NBEAL1: variants seen among roughly 807,000 people sequenced by gnomAD.
NBEAL1 encodes the protein neurobeachin like 1.
A neutral mutation model predicts 351.3 loss-of-function variants in NBEAL1; 273 were observed. That is an observed-to-expected ratio of 0.78 (90% CI 0.70 to 0.86). The LOEUF (loss-of-function observed/expected upper bound fraction) is 0.86, where lower values mean the gene tolerates loss of function less well. Among genes scored for constraint, NBEAL1 ranks in the 40% least tolerant of loss-of-function variants. NBEAL1 has a pLI of 0.00. For missense variants in NBEAL1, 2,961 were observed against 3,201.3 expected, an observed-to-expected ratio of 0.92 and a Z score of 1.81; for synonymous variants, 1,050 against 1,086.4, an observed-to-expected ratio of 0.97 and a Z score of 0.66.
At chr2:203,077,644 A>G (rs958872323) in intron 7 of NBEAL1, 108 bp from the exon 8 acceptor site, 7 of 620,434 alleles carry the variant, frequency 1.1e-5, no homozygotes, top group Non-Finnish European at 1.7e-5. Context: ...AACACAGATC[A>G]GCCTTTTCAC....
At chr2:203,065,603 T>G (rs2061570044) in intron 6 of NBEAL1, among the ~76,000 whole-genome samples, 1 of 152,030 alleles carries the variant, frequency 6.6e-6, no homozygotes, top group African/African-American at 2.4e-5. Context: ...ATACAAAAAA[T>G]TAGCCAGGTG....
rs113705459 is a variant in NBEAL1, at chr2:203,211,029, A to C, written c.7857A>C (p.Val2619=). ...YLGSQILKEQ[V]SDICIIGEHI... ...GGTCTCAAATCCTGAAGGAACAAGT[A>C]TCAGATATATGTATAATCGGAGAAC... The change falls in exon 54 of 56, where the codon GTA becomes GTC. Residue 2619 remains valine, a synonymous_variant. Coordinates refer to ENST00000683969, the MANE Select transcript of NBEAL1 (RefSeq NM_001378026.1). 8 of 1,607,650 alleles carry C rather than the reference A, an allele frequency of 5.0e-6. No homozygotes were observed. The highest frequency in any genetic ancestry group is 1.3e-5 in the African/African-American group (1 of 74,954).
At chr2:203,205,498 T>C (rs1278717783) in intron 51 of NBEAL1, among the ~76,000 whole-genome samples, 1 of 152,200 alleles carries the variant, frequency 6.6e-6, no homozygotes, top group Non-Finnish European at 1.5e-5. Flanking sequence ...AATAATGTTC[T>C]TTACAGCTGT....
intron 2 of NBEAL1, among the ~76,000 whole-genome samples, chr2:203,024,146 G>C (rs2060815064): frequency 6.6e-6 from 1 of 151,352 alleles, no homozygotes; most frequent in South Asian, 2.1e-4. Flanking sequence ...CAGTGAGCTG[G>C]GATCATGCCA....
In NBEAL1 at chr2:203,165,089, G is replaced by A. The variant is rs555643932; in HGVS notation, c.5715-1060G>A. Among the ~76,000 whole-genome samples the A allele has an allele frequency of 1.2e-4, 18 of 152,142 alleles. No homozygotes were observed. The East Asian group carries it at 2.9e-3, about 25-fold the overall frequency. On this transcript the variant is annotated intron_variant, in intron 36 of 55. Transcript: ENST00000683969. ...TTGGTCAGGCTGGTCTTGAACTCCC[G>A]ACCTCAGGTGATCCGTCCATCTCTG...
chr2:203,165,150 C>T (rs1366711817), intron 36 of NBEAL1, among the ~76,000 whole-genome samples: 2 of 152,024 alleles, frequency 1.3e-5, no homozygotes, highest in East Asian at 3.9e-4. Flanking sequence ...CGTGAGCCAC[C>T]GCGCCCACCC....
intron 44 of NBEAL1, among the ~76,000 whole-genome samples, chr2:203,187,809 G>C (rs1232553315): frequency 6.6e-6 from 1 of 151,940 alleles, no homozygotes; most frequent in Non-Finnish European, 1.5e-5. Flanking sequence ...TTTATCATAG[G>C]CATCTGAAAG....
At chr2:203,084,940 C>T (rs2106169365) in intron 10 of NBEAL1, 1 of 162,050 alleles carries the variant, frequency 6.2e-6, no homozygotes, top group African/African-American at 2.4e-5. Context: ...CTCATGGAAA[C>T]ACTGTCTTCT....
intron 2 of NBEAL1, chr2:203,040,070 G>T (rs1368731386): frequency 4.1e-6 from 3 of 725,126 alleles, no homozygotes; most frequent in African/African-American, 1.8e-5. Flanking sequence ...ATGACTTGGG[G>T]TGGGGTTGTG....
intron 2 of NBEAL1, among the ~76,000 whole-genome samples, chr2:203,025,271 G>T (rs1206100230): frequency 5.9e-5 from 9 of 152,212 alleles, no homozygotes; most frequent in Non-Finnish European, 8.8e-5. Flanking sequence ...TACTAGTCGC[G>T]AGGTAGTTTT....
chr2:203,213,203 GAGTA>G (rs1430850808), intron 54 of NBEAL1, among the ~76,000 whole-genome samples: 2 of 152,132 alleles, frequency 1.3e-5, no homozygotes, highest in African/African-American at 2.4e-5. Context: ...ATTGAAAAAA[GAGTA>G]AGATTCTCTA....
At chr2:203,057,124 A>ATAT (rs1252290909) in intron 5 of NBEAL1, among the ~76,000 whole-genome samples, 1 of 152,128 alleles carries the variant, frequency 6.6e-6, no homozygotes, top group Non-Finnish European at 1.5e-5. Context: ...TACTGAAAAC[A>ATAT]TATTACTTTT....
intron 18 of NBEAL1, among the ~76,000 whole-genome samples, chr2:203,119,528 C>T (rs1040218560): frequency 2.1e-5 from 3 of 143,672 alleles, no homozygotes; most frequent in South Asian, 4.6e-4. Context: ...TGGGTTCAAG[C>T]GATTCTCCTG....
At chr2:203,182,081 T>A (rs1309179360) in intron 43 of NBEAL1, 1 of 152,074 alleles carries the variant, frequency 6.6e-6, no homozygotes, top group African/African-American at 2.4e-5. Context: ...AATAAAAAAC[T>A]TAAAAAGCAA....
Position 203,068,485 on chromosome 2 carries a change from A to C in NBEAL1, c.598+10A>C. 1 of 1,466,374 alleles carries C rather than the reference A, an allele frequency of 6.8e-7. No individual in the cohort carries two copies. Among genetic ancestry groups the C allele is most frequent in the Non-Finnish European group, 9.3e-7 (1 of 1,071,644 alleles). The allele number at this position is 1,466,374 out of a possible 1,614,324, so 90.8% of individuals were successfully genotyped here. A position where few individuals can be genotyped will look rare whatever the true frequency, so the allele number is the denominator to read the frequency against. The stretch of plus-strand genomic sequence containing the variant: ...GTCCCTTTCTTTTATCGTAAGTAAC[A>C]CCTCTAATTTCTCTTGCTATGATTA... On this transcript the variant is annotated intron_variant, in intron 7 of 55. Coordinates refer to ENST00000683969, the MANE Select transcript of NBEAL1 (RefSeq NM_001378026.1).
chr2:203,195,696 C>T (rs550310869), intron 47 of NBEAL1, among the ~76,000 whole-genome samples: 2 of 152,304 alleles, frequency 1.3e-5, no homozygotes, highest in South Asian at 2.1e-4. Context: ...TCCAAGAGAC[C>T]TCTCCTAGTG....
At chr2:203,067,676 CT>C (rs1361309226) in intron 6 of NBEAL1, among the ~76,000 whole-genome samples, 1 of 151,924 alleles carries the variant, frequency 6.6e-6, no homozygotes. Flanking sequence ...ATTTTAAATG[CT>C]TTTTTTAGGG....
chr2:203,164,959 T>G (rs893419662), intron 36 of NBEAL1, among the ~76,000 whole-genome samples: 31 of 151,928 alleles, frequency 2.0e-4, no homozygotes, highest in African/African-American at 6.5e-4. Flanking sequence ...CCTGCCAGAT[T>G]CAAGCGATTC....
intron 8 of NBEAL1, among the ~76,000 whole-genome samples, chr2:203,080,111 G>A (rs1053353228): frequency 2.0e-5 from 3 of 152,040 alleles, no homozygotes; most frequent in African/African-American, 7.2e-5. Flanking sequence ...ACACCATTCT[G>A]AGTTTAAGAG....
Sources: allele counts gnomAD v4.1 joint callset (sites outside exome capture counted in the v4.1 genomes callset), GRCh38; gene constraint gnomAD v4.1.1; transcripts MANE v1.5; gene names NCBI Gene and HGNC (gene_info 2026-07-23, HGNC 2026-07-21).